The following ORC4 variants were observed in gnomAD, a reference collection of about 807,000 sequenced individuals.
ORC4 encodes origin recognition complex subunit 4, also known as origin recognition complex, subunit 4 homolog.
Under a neutral mutation model 63.9 loss-of-function variants are expected in ORC4, and 55 were observed. The observed-to-expected ratio is 0.86, with a 90% CI of 0.69 to 1.08. ORC4 has a LOEUF of 1.08. Among genes scored for constraint, ORC4 ranks in the 50% least tolerant of loss-of-function variants. The probability of loss-of-function intolerance (pLI) is 0.00; values close to 1 mark genes in which losing one functional copy is unlikely to be tolerated. For missense variants in ORC4, 511 were observed against 504.4 expected (o/e 1.01, Z -0.13); for synonymous variants, 150 against 168.5 (o/e 0.89, Z 0.85).
chr2:147,959,533 AGGACAAAAAG>A (rs549151484), intron 4 of ORC4, among the ~76,000 whole-genome samples: 111 of 152,184 alleles, frequency 7.3e-4, no homozygotes, highest in Non-Finnish European at 1.3e-3. Flanking sequence ...ATCAAAACTT[AGGACAAAAAG>A]TATTACTCAA....
intron 4 of ORC4, among the ~76,000 whole-genome samples, chr2:147,967,173 A>T (rs960863406): frequency 6.6e-6 from 1 of 152,052 alleles, no homozygotes; most frequent in Non-Finnish European, 1.5e-5. Context: ...AGGTATAGAA[A>T]AAAAACACCA....
In ORC4 at chr2:147,932,890, T is replaced by A. The variant is rs1687847659; in HGVS notation, c.*2620A>T. 6.6e-6 allele frequency: 1 copy of A among 152,102 alleles called. No individual in the cohort carries two copies. Among genetic ancestry groups the A allele is most frequent in the East Asian group, 1.9e-4 (1 of 5,196 alleles). 9.4% of individuals were successfully genotyped at this position (152,102 alleles called of 1,614,324 possible). On this transcript the variant is annotated 3_prime_UTR_variant, in exon 14 of 14. Coordinates refer to ENST00000392857, the MANE Select transcript of ORC4 (RefSeq NM_181741.4). The stretch of plus-strand genomic sequence containing the variant: ...GGAAACTACAGAAAGACTGAAGTGT[T>A]TCTTACGGTGTTTTCTGCAAAACGT...
intron 8 of ORC4, 74 bp from the exon 9 acceptor site, chr2:147,948,298 G>T: frequency 2.1e-6 from 2 of 947,524 alleles, no homozygotes; most frequent in Non-Finnish European, 1.7e-6. Flanking sequence ...ACCAATGTTA[G>T]AGGTATAAGT....
chr2:148,009,265 A>T (rs1392357049), intron 1 of ORC4, among the ~76,000 whole-genome samples: 3 of 152,114 alleles, frequency 2.0e-5, no homozygotes, highest in Non-Finnish European at 2.9e-5. Context: ...CCTAGAAAAT[A>T]ACCAGAACAA....
intron 4 of ORC4, among the ~76,000 whole-genome samples, chr2:147,961,125 T>C (rs1021598515): frequency 1.3e-5 from 2 of 151,984 alleles, no homozygotes; most frequent in Non-Finnish European, 2.9e-5. Context: ...GTCTTATGTT[T>C]TAAAATTTGA....
upstream of ORC4, chr2:148,021,457 C>T (rs1693717083): frequency 1.7e-6 from 1 of 576,308 alleles, no homozygotes; most frequent in South Asian, 1.5e-5. Context: ...CCCTTTGCTG[C>T]TGCTGTTGCT....
At chr2:148,011,769 T>C (rs1418630128) in intron 1 of ORC4, among the ~76,000 whole-genome samples, 1 of 152,144 alleles carries the variant, frequency 6.6e-6, no homozygotes, top group African/African-American at 2.4e-5. Flanking sequence ...CATTGCAGAA[T>C]ACAAAATCAA....
chr2:147,967,568 G>A (rs1238945694), intron 4 of ORC4, among the ~76,000 whole-genome samples: 3 of 151,480 alleles, frequency 2.0e-5, no homozygotes, highest in Non-Finnish European at 4.4e-5. Context: ...CGTAATTACT[G>A]AGGAATAAAT....
intron 8 of ORC4, among the ~76,000 whole-genome samples, chr2:147,948,531 C>T (rs572837807): frequency 6.6e-6 from 1 of 151,932 alleles, no homozygotes; most frequent in South Asian, 2.1e-4. Context: ...ACAATAACAC[C>T]AAGAGTGTCA....
chr2:147,952,653 G>T, intron 7 of ORC4, 129 bp from the exon 8 acceptor site: 2 of 725,814 alleles, frequency 2.8e-6, no homozygotes, highest in Non-Finnish European at 4.8e-6. Flanking sequence ...ACTTTGGGTA[G>T]GGGATTTACT....
intron 4 of ORC4, among the ~76,000 whole-genome samples, chr2:147,963,961 C>G (rs563796004): frequency 1.3e-5 from 2 of 152,114 alleles, no homozygotes; most frequent in African/African-American, 4.8e-5. Flanking sequence ...CAAATCAGTA[C>G]TTCCTTACGA....
intron 4 of ORC4, among the ~76,000 whole-genome samples, chr2:147,970,838 A>C (rs1030209267): frequency 1.3e-5 from 2 of 152,152 alleles, no homozygotes; most frequent in African/African-American, 4.8e-5. Flanking sequence ...TTAGATTATT[A>C]AGATCAAAGA....
Position 147,938,104 on chromosome 2 carries a change from A to C in ORC4, c.1122+42T>G, listed in dbSNP as rs567041057. 3 of 1,331,160 alleles carry C rather than the reference A, an allele frequency of 2.3e-6. No homozygotes were observed. The East Asian group carries it at 7.0e-5, about 31-fold the overall frequency. The allele number at this position is 1,331,160 out of a possible 1,614,324, so 82.5% of individuals were successfully genotyped here. A position where few individuals can be genotyped will look rare whatever the true frequency, so the allele number is the denominator to read the frequency against. On this transcript the variant is annotated intron_variant, in intron 13 of 13. Coordinates refer to ENST00000392857, the MANE Select transcript of ORC4 (RefSeq NM_181741.4). ...TACATAATCAAATTGGATGTAAAAAATATACTTGTCTGTAGAAAAATGACA... is the reference window on the plus strand; with the variant it reads ...TACATAATCAAATTGGATGTAAAAACTATACTTGTCTGTAGAAAAATGACA...
intron 2 of ORC4, among the ~76,000 whole-genome samples, chr2:147,975,000 G>A (rs1222279266): frequency 6.6e-6 from 1 of 152,034 alleles, no homozygotes; most frequent in Admixed American, 6.6e-5. Context: ...GAGGATTCGT[G>A]CACTTTACAT....
In ORC4 at chr2:147,938,176, A is replaced by ATT; in HGVS notation, c.1091_1092insAA (p.Tyr365IlefsTer10). ...TGACAACAGGTTTTTCAAAATTATA[A>ATT]ACGGAATGTGCTTTCCTTTGAACAA... On this transcript the variant is annotated frameshift_variant, in exon 13 of 14. Coordinates refer to ENST00000392857, the MANE Select transcript of ORC4 (RefSeq NM_181741.4). LOFTEE classifies it high-confidence loss of function. The ATT allele has an allele frequency of 6.2e-7, 1 of 1,612,748 alleles. No homozygotes were observed. The highest frequency in any genetic ancestry group is 8.5e-7 in the Non-Finnish European group (1 of 1,179,100).
chr2:147,968,659 A>T (rs1355889811), intron 4 of ORC4, among the ~76,000 whole-genome samples: 2 of 152,110 alleles, frequency 1.3e-5, no homozygotes, highest in Non-Finnish European at 2.9e-5. Context: ...AGATGCAAAA[A>T]AAAGGAACTT....
intron 10 of ORC4, 98 bp downstream of exon 10, chr2:147,943,338 G>T: frequency 1.3e-6 from 1 of 779,254 alleles, no homozygotes; most frequent in Non-Finnish European, 2.3e-6. Context: ...ATGGCTTAAG[G>T]CCAGGAGTTC....
chr2:147,954,181 C>T (rs1174332348), intron 7 of ORC4, among the ~76,000 whole-genome samples: 4 of 151,768 alleles, frequency 2.6e-5, no homozygotes, highest in Non-Finnish European at 5.9e-5. Flanking sequence ...CAGAAAAGTC[C>T]AAACCAAACT....
chr2:147,952,619 A>G, intron 7 of ORC4, 95 bp from the exon 8 acceptor site: 1 of 957,918 alleles, frequency 1.0e-6, no homozygotes. Flanking sequence ...TTAAAACTCA[A>G]TTCTGTAAAC....
Sources: gnomAD v4.1 joint callset for allele counts (sites outside exome capture counted in the v4.1 genomes callset) on GRCh38, gnomAD v4.1.1 for gene constraint, MANE v1.5 for transcripts, NCBI Gene and HGNC (gene_info 2026-07-23, HGNC 2026-07-21) for gene names.